Variants in MYRIP observed in about 807,000 individuals in gnomAD.
MYRIP encodes the protein myosin VIIA and Rab interacting protein, also known as rab effector MyRIP.
In MYRIP, 49 loss-of-function variants were observed where a neutral mutation model predicts 98.0. The observed-to-expected ratio is 0.50, with a 90% confidence interval of 0.40 to 0.63. The LOEUF (loss-of-function observed/expected upper bound fraction) is 0.63. MYRIP is among the 30% of genes least tolerant of loss of function. The pLI, the probability that MYRIP is intolerant of heterozygous loss-of-function variation, is 0.00. For synonymous variants in MYRIP, 404 were observed against 409.5 expected (o/e 0.99, Z 0.16); for missense variants, 1,004 against 1,058.2 (o/e 0.95, Z 0.71).
At chr3:39,999,675 G>C (rs934351822) in intron 2 of MYRIP, among the ~76,000 whole-genome samples, 2 of 152,032 alleles carry the variant, frequency 1.3e-5, no homozygotes, top group Non-Finnish European at 2.9e-5. Context: ...CCCATTACTG[G>C]GTATATACCT....
chr3:40,093,299 C>T (rs924742181), intron 3 of MYRIP, among the ~76,000 whole-genome samples: 2 of 152,100 alleles, frequency 1.3e-5, no homozygotes, highest in African/African-American at 4.8e-5. Flanking sequence ...ATGCAAACAG[C>T]GTGAAATTTA....
At chr3:39,883,940 C>G (rs1297778002) in intron 1 of MYRIP, among the ~76,000 whole-genome samples, 1 of 152,032 alleles carries the variant, frequency 6.6e-6, no homozygotes, top group Non-Finnish European at 1.5e-5. Flanking sequence ...GAGAATTTTC[C>G]AAAGCTGATG....
At chr3:39,961,729 A>T (rs544093933) in intron 2 of MYRIP, among the ~76,000 whole-genome samples, 1 of 152,240 alleles carries the variant, frequency 6.6e-6, no homozygotes, top group South Asian at 2.1e-4. Context: ...GTCCTATTGC[A>T]TTATTTCTAC....
At chr3:39,904,766 G>C (rs1246576586) in intron 2 of MYRIP, among the ~76,000 whole-genome samples, 2 of 151,514 alleles carry the variant, frequency 1.3e-5, no homozygotes, top group Non-Finnish European at 1.5e-5. Flanking sequence ...GCTGCTGTGT[G>C]TAGGTAGTCA....
chr3:40,215,031 TATC>T (rs1952074740), intron 11 of MYRIP, among the ~76,000 whole-genome samples: 3 of 152,196 alleles, frequency 2.0e-5, no homozygotes, highest in Non-Finnish European at 4.4e-5. Flanking sequence ...TTAACATAAG[TATC>T]ATTTGCAATA....
At chr3:40,178,002 G>T (rs1357854754) in intron 8 of MYRIP, among the ~76,000 whole-genome samples, 1 of 152,158 alleles carries the variant, frequency 6.6e-6, no homozygotes, top group Non-Finnish European at 1.5e-5. Context: ...TTATAGGATT[G>T]AATTTAATAC....
intron 3 of MYRIP, among the ~76,000 whole-genome samples, chr3:40,061,237 C>T (rs1236991093): frequency 2.0e-5 from 3 of 152,156 alleles, no homozygotes; most frequent in Non-Finnish European, 2.9e-5. Flanking sequence ...CTTCTCCTAC[C>T]CTCCACCCTC....
intron 3 of MYRIP, among the ~76,000 whole-genome samples, chr3:40,090,631 A>G (rs1183010799): frequency 6.6e-6 from 1 of 152,208 alleles, no homozygotes; most frequent in Non-Finnish European, 1.5e-5. Flanking sequence ...AGCTTCATTC[A>G]CTTTTAACTG....
chr3:40,191,413 T>C (rs1410482935), intron 10 of MYRIP, among the ~76,000 whole-genome samples: 14 of 152,182 alleles, frequency 9.2e-5, no homozygotes, highest in Admixed American at 9.2e-4. Flanking sequence ...GTCAACTCAA[T>C]ACCAAACCTT....
intron 2 of MYRIP, among the ~76,000 whole-genome samples, chr3:40,003,281 C>A (rs1482994687): frequency 6.6e-6 from 1 of 152,158 alleles, no homozygotes; most frequent in Non-Finnish European, 1.5e-5. Context: ...GAGTGGCCCC[C>A]TGTGAGGTGT....
At chr3:39,886,294 A>C (rs915672531) in intron 1 of MYRIP, among the ~76,000 whole-genome samples, 4 of 151,898 alleles carry the variant, frequency 2.6e-5, no homozygotes, top group Non-Finnish European at 5.9e-5. Context: ...CGAGCAAACT[A>C]ACCAGCTAAC....
intron 1 of MYRIP, among the ~76,000 whole-genome samples, chr3:39,865,450 A>G (rs1458360401): frequency 6.6e-6 from 1 of 152,226 alleles, no homozygotes; most frequent in African/African-American, 2.4e-5. Flanking sequence ...AAAATCCAGC[A>G]TCTATAAGGA....
intron 1 of MYRIP, among the ~76,000 whole-genome samples, chr3:39,820,014 C>T (rs752416654): frequency 2.8e-4 from 43 of 152,174 alleles, no homozygotes; most frequent in Non-Finnish European, 5.3e-4. Flanking sequence ...ACTGATGAGA[C>T]AGATGTGTGA....
At chr3:39,960,904 G>A (rs769075990) in intron 2 of MYRIP, among the ~76,000 whole-genome samples, 7 of 152,156 alleles carry the variant, frequency 4.6e-5, no homozygotes, top group Non-Finnish European at 1.0e-4. Context: ...CCCCTCATGA[G>A]TGTTGTGCTG....
chr3:39,935,464 G>A lies in MYRIP; in HGVS notation c.110+34538G>A, dbSNP rs530291579. Among the ~76,000 whole-genome samples the A allele has an allele frequency of 3.3e-5, 5 of 152,232 alleles. No individual in the cohort carries two copies. The East Asian group carries it at 7.7e-4, about 24-fold the overall frequency. On this transcript the variant is annotated intron_variant, in intron 2 of 16. Coordinates refer to ENST00000302541, the MANE Select transcript of MYRIP (RefSeq NM_015460.4). ...AACCCTATAGCTTCGAGGAGAAGTG[G>A]ATTAGGAAGTCAGGGCCATTGTTCT...
intron 2 of MYRIP, among the ~76,000 whole-genome samples, chr3:39,973,899 C>A (rs1046332024): frequency 2.0e-5 from 3 of 152,166 alleles, no homozygotes; most frequent in Admixed American, 2.0e-4. Context: ...GCATTCAAAG[C>A]AGTGTGTAGA....
intron 3 of MYRIP, among the ~76,000 whole-genome samples, chr3:40,060,030 G>A (rs1420726672): frequency 6.6e-6 from 1 of 152,120 alleles, no homozygotes; most frequent in African/African-American, 2.4e-5. Flanking sequence ...ATGTGGTGTG[G>A]GACTTGAGTG....
chr3:39,887,945 A>G (rs1025522059), intron 1 of MYRIP, among the ~76,000 whole-genome samples: 32 of 151,598 alleles, frequency 2.1e-4, no homozygotes, highest in Non-Finnish European at 4.0e-4. Flanking sequence ...CAAAGAGAAT[A>G]AAATACCTAG....
chr3:40,112,592 C>T lies in MYRIP; in HGVS notation c.333-38456C>T, dbSNP rs564991473. Among the ~76,000 whole-genome samples, 7 of 152,308 alleles carry T rather than the reference C, an allele frequency of 4.6e-5. No homozygotes were observed. In the East Asian group the frequency reaches 9.7e-4, roughly 21 times the overall value. On this transcript the variant is annotated intron_variant, in intron 3 of 16. Coordinates refer to ENST00000302541, the MANE Select transcript of MYRIP (RefSeq NM_015460.4). ...TTCTGGCCATCGGTGAGCCTGAGCTCGCATGATCCAAGGTCACTGTGGCAG... is the reference window on the plus strand; with the variant it reads ...TTCTGGCCATCGGTGAGCCTGAGCTTGCATGATCCAAGGTCACTGTGGCAG...
Sources: gnomAD v4.1 joint callset for allele counts (sites outside exome capture counted in the v4.1 genomes callset) on GRCh38, gnomAD v4.1.1 for gene constraint, MANE v1.5 for transcripts, NCBI Gene and HGNC (gene_info 2026-07-23, HGNC 2026-07-21) for gene names.